SH2D4A: variants seen among roughly 807,000 people sequenced by gnomAD.
The protein encoded by SH2D4A is SH2 domain containing 4A.
A neutral mutation model predicts 64.7 loss-of-function variants in SH2D4A; 70 were observed. That is an observed-to-expected ratio of 1.08 (90% CI 0.89 to 1.32). The LOEUF (loss-of-function observed/expected upper bound fraction) is 1.32, where lower values mean the gene tolerates loss of function less well. Among genes scored for constraint, SH2D4A ranks in the 40% most tolerant of loss-of-function variants. SH2D4A has a pLI of 0.00. For synonymous variants in SH2D4A, 268 were observed against 200.7 expected (o/e 1.34, Z -2.83); for missense variants, 706 against 540.1 (o/e 1.31, Z -3.04).
intron 4 of SH2D4A, among the ~76,000 whole-genome samples, chr8:19,355,154 G>A (rs1585174840): frequency 6.6e-6 from 1 of 152,072 alleles, no homozygotes; most frequent in East Asian, 1.9e-4. Context: ...ATACTTGCGG[G>A]AGTATTAAGA....
At chr8:19,390,320 G>C (rs965713387) in intron 8 of SH2D4A, among the ~76,000 whole-genome samples, 4 of 152,188 alleles carry the variant, frequency 2.6e-5, no homozygotes, top group African/African-American at 9.7e-5. Context: ...GTCAGAAGTT[G>C]CAGTGAGCCG....
intron 7 of SH2D4A, among the ~76,000 whole-genome samples, chr8:19,367,785 A>G (rs2053024236): frequency 6.6e-6 from 1 of 151,934 alleles, no homozygotes; most frequent in African/African-American, 2.4e-5. Flanking sequence ...TTACTTTTTA[A>G]AAATCTGGGG....
intron 8 of SH2D4A, among the ~76,000 whole-genome samples, chr8:19,382,164 A>G (rs2053304419): frequency 6.6e-6 from 1 of 152,038 alleles, no homozygotes. Context: ...ATCCTTGGAC[A>G]TTTCTTGCAT....
chr8:19,329,418 G>T (rs1024099543), intron 2 of SH2D4A, among the ~76,000 whole-genome samples: 1 of 152,026 alleles, frequency 6.6e-6, no homozygotes, highest in African/African-American at 2.4e-5. Context: ...AATTAATTAA[G>T]TATCCATGTC....
intron 4 of SH2D4A, among the ~76,000 whole-genome samples, chr8:19,348,715 A>C (rs1186732667): frequency 6.6e-6 from 1 of 152,184 alleles, no homozygotes; most frequent in African/African-American, 2.4e-5. Context: ...ATAGCAACAA[A>C]AGTTTTTGGT....
chr8:19,382,841 T>TC (rs2053320145), intron 8 of SH2D4A, among the ~76,000 whole-genome samples: 1 of 140,922 alleles, frequency 7.1e-6, no homozygotes, highest in Non-Finnish European at 1.5e-5. Flanking sequence ...TTTTTTTTTT[T>TC]TTTTTTTGAG....
At chr8:19,319,265 C>T (rs1427810416) in intron 1 of SH2D4A, 79 bp from the exon 2 acceptor site, 1 of 957,592 alleles carries the variant, frequency 1.0e-6, no homozygotes, top group Non-Finnish European at 1.3e-6. Context: ...TTCCTCCTAG[C>T]TTTTTTTTTT....
intron 8 of SH2D4A, among the ~76,000 whole-genome samples, chr8:19,380,587 A>G (rs1297502281): frequency 6.6e-6 from 1 of 152,042 alleles, no homozygotes; most frequent in African/African-American, 2.4e-5. Context: ...ATTCTTTCAC[A>G]TGCGGTTATG....
At chr8:19,337,600 G>A (rs753269088) in intron 4 of SH2D4A, among the ~76,000 whole-genome samples, 3 of 152,128 alleles carry the variant, frequency 2.0e-5, no homozygotes, top group Non-Finnish European at 4.4e-5. Flanking sequence ...ACCCAAGATT[G>A]GGCAGTTTAC....
chr8:19,361,925 C>A (rs1375750849), intron 6 of SH2D4A, among the ~76,000 whole-genome samples: 1 of 152,108 alleles, frequency 6.6e-6, no homozygotes, highest in Admixed American at 6.5e-5. Flanking sequence ...AGCCTTGACT[C>A]CTATTTGAGT....
intron 8 of SH2D4A, among the ~76,000 whole-genome samples, chr8:19,379,473 G>C (rs543408042): frequency 6.6e-6 from 1 of 152,196 alleles, no homozygotes; most frequent in African/African-American, 2.4e-5. Context: ...GTGCTGCTGA[G>C]AACACAGGTG....
chr8:19,379,593 A>T (rs192870987), intron 8 of SH2D4A, among the ~76,000 whole-genome samples: 370 of 152,344 alleles, frequency 2.4e-3, no homozygotes, highest in Non-Finnish European at 2.5e-3. Flanking sequence ...GAAACTGGCC[A>T]TACTGTTTTC....
chr8:19,352,859 T>A (rs967051737), intron 4 of SH2D4A, among the ~76,000 whole-genome samples: 12 of 151,878 alleles, frequency 7.9e-5, no homozygotes, highest in South Asian at 6.2e-4. Context: ...TTAAAAAAAA[T>A]TTAGCCAGGT....
intron 8 of SH2D4A, among the ~76,000 whole-genome samples, chr8:19,377,928 C>G (rs1366304149): frequency 6.6e-6 from 1 of 152,134 alleles, no homozygotes; most frequent in Non-Finnish European, 1.5e-5. Flanking sequence ...ATACTCCTAC[C>G]AGCTGTACTT....
intron 5 of SH2D4A, among the ~76,000 whole-genome samples, chr8:19,360,295 G>GTTT (rs573228137): frequency 4.7e-4 from 64 of 135,228 alleles, no homozygotes; most frequent in African/African-American, 1.7e-3. Flanking sequence ...ATATTTTTCT[G>GTTT]TTTTTTTTTT....
Position 19,394,673 on chromosome 8 carries a change from C to T in SH2D4A, c.*31C>T, listed in dbSNP as rs756395561. 6.4e-6 allele frequency: 10 copies of T among 1,552,302 alleles called. 1 individual carries two copies. Among genetic ancestry groups the T allele is most frequent in the Non-Finnish European group, 5.3e-6 (6 of 1,141,192 alleles). ...TCCATCAGGGTCATCCTACAGCCTC[C>T]AAGCGGGCTTTCCCCTGGACAAATG... On this transcript the variant is annotated 3_prime_UTR_variant, in exon 10 of 10. Coordinates refer to ENST00000265807, the MANE Select transcript of SH2D4A (RefSeq NM_022071.4).
intron 8 of SH2D4A, among the ~76,000 whole-genome samples, chr8:19,380,896 A>G (rs537212722): frequency 3.3e-5 from 5 of 152,122 alleles, no homozygotes; most frequent in Admixed American, 2.0e-4. Context: ...GGGTTTTTCT[A>G]TTTCTACAAA....
chr8:19,348,293 C>A (rs2052644098), intron 4 of SH2D4A, among the ~76,000 whole-genome samples: 1 of 152,108 alleles, frequency 6.6e-6, no homozygotes, highest in African/African-American at 2.4e-5. Context: ...ACAGGGGTCT[C>A]ACCATGTTGC....
At chr8:19,349,813 C>G (rs1291267578) in intron 4 of SH2D4A, among the ~76,000 whole-genome samples, 1 of 152,192 alleles carries the variant, frequency 6.6e-6, no homozygotes, top group African/African-American at 2.4e-5. Context: ...AAGTGATTCT[C>G]CTGCCTCAGC....
Sources: gnomAD v4.1 joint callset for allele counts (sites outside exome capture counted in the v4.1 genomes callset) on GRCh38, gnomAD v4.1.1 for gene constraint, MANE v1.5 for transcripts, NCBI Gene and HGNC (gene_info 2026-07-23, HGNC 2026-07-21) for gene names.